ABCA1: variants seen among roughly 807,000 people sequenced by gnomAD.
ABCA1 encodes the protein ATP binding cassette subfamily A member 1.
A neutral mutation model predicts 262.5 loss-of-function variants in ABCA1; 133 were observed. The observed-to-expected ratio is 0.51, with a 90% CI of 0.44 to 0.59. The LOEUF (loss-of-function observed/expected upper bound fraction) is 0.59. Among genes scored for constraint, ABCA1 ranks in the 20% least tolerant of loss-of-function variants. ABCA1 has a pLI of 0.00. For missense variants in ABCA1, 2,452 were observed against 2,777.5 expected (o/e 0.88, Z 2.63); for synonymous variants, 1,022 against 1,043.5 (o/e 0.98, Z 0.40).
chr9:104,830,948 G>T lies in ABCA1; in HGVS notation c.1869C>A (p.Pro623=). The change falls in exon 14 of 50, where the codon CCC becomes CCA. Residue 623 remains proline, a synonymous_variant. Coordinates refer to ENST00000374736, the MANE Select transcript of ABCA1 (RefSeq NM_005502.4). The part of the protein sequence containing the change: ...KKTGVYMQQM[P]YPCYVDDIFL... ...ACATGTCATCAACGTAACAGGGATA[G>T]GGCATCTGTTGCATATAGACACCAG... 1.2e-6 allele frequency: 2 copies of T among 1,613,684 alleles called. No homozygotes were observed. Among genetic ancestry groups the T allele is most frequent in the Non-Finnish European group, 1.7e-6 (2 of 1,179,934 alleles).
At chr9:104,813,293 C>G (rs1588273837) in intron 27 of ABCA1, among the ~76,000 whole-genome samples, 1 of 152,218 alleles carries the variant, frequency 6.6e-6, no homozygotes, top group Non-Finnish European at 1.5e-5. Flanking sequence ...AATCCTTGTC[C>G]TAAACTAATG....
chr9:104,888,009 C>CT (rs1227373780), intron 3 of ABCA1, among the ~76,000 whole-genome samples: 2 of 151,082 alleles, frequency 1.3e-5, no homozygotes, highest in African/African-American at 2.4e-5. Context: ...CCGCTCTTTT[C>CT]TTTTTTGATG....
At chr9:104,799,307 T>C in intron 36 of ABCA1, 2 of 402,392 alleles carry the variant, frequency 5.0e-6, no homozygotes, top group Non-Finnish European at 6.8e-6. Context: ...ATCATACATC[T>C]ATAAAGTTTA....
chr9:104,809,642 T>C, intron 29 of ABCA1, 78 bp from the exon 30 acceptor site: 1 of 1,289,700 alleles, frequency 7.8e-7, no homozygotes, highest in Non-Finnish European at 1.1e-6. Flanking sequence ...TTTTATAAAT[T>C]AAACATTTTA....
Position 104,816,223 on chromosome 9 carries a change from C to T in ABCA1, c.3658G>A (p.Glu1220Lys), listed in dbSNP as rs1350973387. The part of the protein sequence containing the change: ...YEAAKEGAFV[E>K]LFHEIDDRLS... ...CGGTCATCAATCTCATGAAAGAGTT[C>T]CACAAAGGCTCCCTCCTTAGCAGCT... The change falls in exon 25 of 50, where the codon GAA becomes AAA. Residue 1220 changes from glutamate to lysine, a missense_variant. Physicochemically the swap from Glu to Lys is moderately conservative, Grantham distance 56 (BLOSUM62 1). Transcript: ENST00000374736. 9 of 1,614,178 alleles carry T rather than the reference C, an allele frequency of 5.6e-6. No homozygotes were observed. The highest frequency in any genetic ancestry group is 6.8e-6 in the Non-Finnish European group (8 of 1,180,030).
chr9:104,892,465 A>T (rs1172059955), intron 2 of ABCA1, among the ~76,000 whole-genome samples: 3 of 152,072 alleles, frequency 2.0e-5, no homozygotes, highest in Admixed American at 2.0e-4. Context: ...AAAGAACAAA[A>T]CCATGACTCT....
chr9:104,849,051 T>A (rs551814876), intron 7 of ABCA1, among the ~76,000 whole-genome samples: 29 of 152,324 alleles, frequency 1.9e-4, no homozygotes, highest in African/African-American at 5.5e-4. Context: ...GTTGTTTGTA[T>A]AAAAGGTCTT....
rs775857806 is a variant in ABCA1 at position 104,794,503 on chromosome 9, T to C, written c.5390A>G (p.Asn1797Ser). The change falls in exon 40 of 50, where the codon AAT becomes AGT. Residue 1797 changes from asparagine (N) to serine (S), a missense_variant. Asn to Ser is a conservative substitution (Grantham distance 46, BLOSUM62 1). Transcript: ENST00000374736. ...GGACTTCAGGATATCATTGATATTA[T>C]TCAGCTTCTAAAAAAAAAAAAAAAA... ...VLELFTDNKLNNINDILKSVF... is the reference protein window; with the variant it reads ...VLELFTDNKLSNINDILKSVF... 11 of 1,247,060 alleles carry C rather than the reference T, an allele frequency of 8.8e-6. No homozygotes were observed. In the South Asian group the frequency reaches 1.4e-4, roughly 15 times the overall value. The allele number at this position is 1,247,060 out of a possible 1,614,324, so 77.2% of individuals were successfully genotyped here. A position where few individuals can be genotyped will look rare whatever the true frequency, so the allele number is the denominator to read the frequency against.
intron 18 of ABCA1, 40 bp downstream of exon 18, chr9:104,824,425 C>A (rs1357188745): frequency 6.2e-7 from 1 of 1,613,282 alleles, no homozygotes; most frequent in Non-Finnish European, 8.5e-7. Flanking sequence ...GAGGCAGCAG[C>A]ACTAGGTTAA....
chr9:104,846,934 G>A (rs1293281024), intron 7 of ABCA1, among the ~76,000 whole-genome samples: 2 of 152,080 alleles, frequency 1.3e-5, no homozygotes, highest in African/African-American at 2.4e-5. Context: ...TATAACTAAA[G>A]GTTAACACAC....
rs1833355278 is a variant in ABCA1 at position 104,831,823 on chromosome 9, AC to A, written c.1513del (p.Val505SerfsTer3). The A allele has an allele frequency of 6.2e-7, 1 of 1,614,042 alleles. No homozygotes were observed. Among genetic ancestry groups the A allele is most frequent in the African/African-American group, 1.3e-5 (1 of 74,918 alleles). ...TATGGGTTCTAGCTTGTTCAGGTTG[AC>A]ACACTGATAGAAGAACAGCCTTCAT... ...IRTISRFMEC[V>X]NLNKLEPIAT... On this transcript the variant is annotated frameshift_variant, in exon 13 of 50. Coordinates refer to ENST00000374736, the MANE Select transcript of ABCA1 (RefSeq NM_005502.4). LOFTEE classifies it high-confidence loss of function.
rs148314522 is a variant in ABCA1, at chr9:104,832,745, G to T, written c.1338C>A (p.Asp446Glu). 6.2e-7 allele frequency: 1 copy of T among 1,614,194 alleles called. No homozygotes were observed. Among genetic ancestry groups the T allele is most frequent in the Non-Finnish European group, 8.5e-7 (1 of 1,180,038 alleles). The stretch of plus-strand genomic sequence containing the variant: ...CATCCAACTGCTGTTCCCAAAAGTG[G>T]TCATTGTCCCTGCTGTCCAACAGCA... Reference protein sequence around the residue: ...VRMLLDSRDNDHFWEQQLDGL... With the variant: ...VRMLLDSRDNEHFWEQQLDGL... Residue 446 changes from aspartate (D) to glutamate (E), a missense_variant, in exon 12 of 50, where the codon GAC becomes GAA. This residue lies in a region of ABCA1 where 1,032 missense variants were observed against 1,089.7 expected (regional missense o/e 0.95). Coordinates refer to ENST00000374736, the MANE Select transcript of ABCA1 (RefSeq NM_005502.4).
Position 104,817,268 on chromosome 9 carries a change from C to G in ABCA1, c.3535+64G>C. The stretch of plus-strand genomic sequence containing the variant: ...AGCCTCTGCACCTCTCCTCCTCTGC[C>G]TCCACTCTGCCCAGCTGGGGGAAGC... On this transcript the variant is annotated intron_variant, in intron 24 of 49. Coordinates refer to ENST00000374736, the MANE Select transcript of ABCA1 (RefSeq NM_005502.4). This position sits in a 1 kb window ranked among gnomAD's most constrained non-coding sequence, Gnocchi z 4.7. The G allele has an allele frequency of 6.2e-7, 1 of 1,613,482 alleles. No individual in the cohort carries two copies. The highest frequency in any genetic ancestry group is 2.2e-5 in the East Asian group (1 of 44,864).
At chr9:104,806,186 G>A in intron 31 of ABCA1, 55 bp downstream of exon 31, 1 of 1,551,806 alleles carries the variant, frequency 6.4e-7, no homozygotes, top group Non-Finnish European at 8.8e-7. Flanking sequence ...CCAAGCGGAA[G>A]CTACCAGCCC....
chr9:104,842,846 T>C (rs1236679435), intron 8 of ABCA1, among the ~76,000 whole-genome samples: 2 of 152,040 alleles, frequency 1.3e-5, no homozygotes, highest in African/African-American at 2.4e-5. Context: ...GATTCTCATC[T>C]CACCCAGCAG....
chr9:104,825,898 C>A lies in ABCA1; in HGVS notation c.2338-11G>T, dbSNP rs778147120. On this transcript the variant is annotated splice_polypyrimidine_tract_variant and intron_variant, in intron 16 of 49. Coordinates refer to ENST00000374736, the MANE Select transcript of ABCA1 (RefSeq NM_005502.4). ...AGGAGACAGCAGGCTCTGTGAGAAA[C>A]AGGCAAAGTCACCTATCCATTTCCT... 51 of 1,613,286 alleles carry A rather than the reference C, an allele frequency of 3.2e-5. No homozygotes were observed. Among genetic ancestry groups the A allele is most frequent in the Admixed American group, 1.3e-4 (8 of 60,010 alleles).
At chr9:104,919,255 G>A (rs868778010) in intron 1 of ABCA1, among the ~76,000 whole-genome samples, 2 of 152,172 alleles carry the variant, frequency 1.3e-5, no homozygotes, top group South Asian at 2.1e-4. Context: ...GGATGAATGA[G>A]CCTGAAGAGT....
chr9:104,812,316 A>G (rs774107628), intron 28 of ABCA1, among the ~76,000 whole-genome samples: 1 of 152,188 alleles, frequency 6.6e-6, no homozygotes, highest in Non-Finnish European at 1.5e-5. Flanking sequence ...CTAAGCACCT[A>G]TTCATTTTTA....
chr9:104,786,528 G>C, intron 47 of ABCA1, 138 bp from the exon 48 acceptor site: 1 of 792,108 alleles, frequency 1.3e-6, no homozygotes, highest in Non-Finnish European at 2.2e-6. Flanking sequence ...GGATGATGCT[G>C]TTCAGTGTAG....
Sources: allele counts gnomAD v4.1 joint callset (sites outside exome capture counted in the v4.1 genomes callset), GRCh38; gene constraint gnomAD v4.1.1; regional missense constraint gnomAD v4.1.1; non-coding constraint Gnocchi (gnomAD v3.1); transcripts MANE v1.5; gene names NCBI Gene and HGNC (gene_info 2026-07-23, HGNC 2026-07-21).